The following DNAJB1 variants were observed in gnomAD, a reference collection of about 807,000 sequenced individuals.
The protein encoded by DNAJB1 is dnaJ homolog subfamily B member 1.
DNAJB1 carries 14 observed loss-of-function variants against 24.0 expected under a neutral mutation model. The ratio of observed to expected loss-of-function variants is 0.58; its 90% CI spans 0.39 to 0.91. The LOEUF (loss-of-function observed/expected upper bound fraction) is 0.91. DNAJB1 is among the 40% of genes least tolerant of loss of function. The pLI, the probability that DNAJB1 is intolerant of heterozygous loss-of-function variation, is 0.00. For missense variants in DNAJB1, 517 were observed against 458.1 expected (o/e 1.13, Z -1.17); for synonymous variants, 262 against 174.4 (o/e 1.50, Z -3.96).
chr19:14,519,379 A>G (rs1328103519), upstream of DNAJB1, among the ~76,000 whole-genome samples: 1 of 151,710 alleles, frequency 6.6e-6, no homozygotes, highest in Non-Finnish European at 1.5e-5. Flanking sequence ...ATAAATAAAT[A>G]AAATAAGTAA....
Position 14,545,377 on chromosome 19 carries a change from C to T in DNAJB1, c.-214+4831G>A, listed in dbSNP as rs181750633. On this transcript the variant is annotated intron_variant, in intron 1 of 3. Coordinates refer to the DNAJB1 transcript ENST00000676982. ...TCCCATTTCCTCAGCAGGGTCCTCC[C>T]GGGCACACCCACTGTGGCCCTCTGG... is the stretch of plus-strand genomic sequence containing the variant. Among the ~76,000 whole-genome samples the T allele has an allele frequency of 1.5e-3, 231 of 151,942 alleles. 5 individuals are homozygous for T. The highest frequency in any genetic ancestry group is 2.5e-3 in the South Asian group (12 of 4,792).
intron 1 of DNAJB1, among the ~76,000 whole-genome samples, chr19:14,543,914 T>C (rs2073214138): frequency 6.6e-6 from 1 of 150,908 alleles, no homozygotes; most frequent in African/African-American, 2.4e-5. Context: ...ATTTTTGTAT[T>C]TTTAGTAGAG....
chr19:14,559,038 C>T (rs376919685), intron 1 of DNAJB1, among the ~76,000 whole-genome samples: 2 of 152,066 alleles, frequency 1.3e-5, no homozygotes, highest in African/African-American at 4.8e-5. Context: ...GGGTGTGGGG[C>T]GCGGAGCCCT....
intron 1 of DNAJB1, chr19:14,517,335 CA>C (rs2072287065): frequency 2.8e-6 from 1 of 360,424 alleles, no homozygotes. Flanking sequence ...ATCCTCCTGG[CA>C]ACATCACCAA....
chr19:14,535,546 AT>A (rs1568396461), intron 1 of DNAJB1, among the ~76,000 whole-genome samples: 1 of 6,248 alleles, frequency 1.6e-4, no homozygotes, highest in African/African-American at 7.2e-4. Flanking sequence ...AAAAAAAAAT[AT>A]ATATATATAT....
At chr19:14,546,695 C>T (rs935313940) in intron 1 of DNAJB1, among the ~76,000 whole-genome samples, 1 of 152,020 alleles carries the variant, frequency 6.6e-6, no homozygotes, top group Non-Finnish European at 1.5e-5. Context: ...TTTTTCTTTT[C>T]TTTTTTTAAG....
chr19:14,556,842 G>A (rs1448698447), intron 1 of DNAJB1, among the ~76,000 whole-genome samples: 1 of 152,190 alleles, frequency 6.6e-6, no homozygotes, highest in African/African-American at 2.4e-5. Context: ...GCAGTGGGGA[G>A]CGTCGCAGCC....
chr19:14,535,035 T>A (rs2072812484), intron 1 of DNAJB1, among the ~76,000 whole-genome samples: 1 of 152,022 alleles, frequency 6.6e-6, no homozygotes, highest in African/African-American at 2.4e-5. Context: ...TTCTCTGCCC[T>A]AAAATCGGAT....
Position 14,525,419 on chromosome 19 carries a change from C to T in DNAJB1, c.-90+2307G>A, listed in dbSNP as rs367560688. Reference sequence around the variant, plus strand: ...CCAACAGCAGTTAAACCCTAACTGTCCTTCAATGGATGAATGGATAAACAA... The same window carrying T: ...CCAACAGCAGTTAAACCCTAACTGTTCTTCAATGGATGAATGGATAAACAA... On this transcript the variant is annotated intron_variant, in intron 2 of 3. Coordinates refer to the DNAJB1 transcript ENST00000396969. 9.5e-4 allele frequency among the ~76,000 whole-genome samples: 145 copies of T among 151,898 alleles called. 4 individuals are homozygous for T. In the South Asian group the frequency reaches 0.029, roughly 30 times the overall value.
Position 14,516,577 on chromosome 19 carries a change from G to A in DNAJB1, c.681C>T (p.Thr227=), listed in dbSNP as rs777975888. The change falls in exon 2 of 3, where the codon ACC becomes ACT. Residue 227 remains threonine, a synonymous_variant. Transcript: ENST00000254322. ...KITFPKEGDQ[T]SNNIPADIVF... Reference sequence around the variant, plus strand: ...CGATATCAGCTGGAATGTTGTTGGAGGTCTGGTCTCCTTCCTTGGGGAAAG... The same window carrying A: ...CGATATCAGCTGGAATGTTGTTGGAAGTCTGGTCTCCTTCCTTGGGGAAAG... 10 of 1,614,082 alleles carry A rather than the reference G, an allele frequency of 6.2e-6. No homozygotes were observed. Among genetic ancestry groups the A allele is most frequent in the Non-Finnish European group, 7.6e-6 (9 of 1,180,048 alleles).
At chr19:14,551,658 C>A (rs911722949), upstream of DNAJB1, among the ~76,000 whole-genome samples, 24 of 152,012 alleles carry the variant, frequency 1.6e-4, no homozygotes, top group Admixed American at 1.6e-3. Flanking sequence ...GCCTGGGCCC[C>A]GCTGTGGTAT....
At chr19:14,547,218 A>G (rs2073338107) in intron 1 of DNAJB1, among the ~76,000 whole-genome samples, 1 of 152,248 alleles carries the variant, frequency 6.6e-6, no homozygotes, top group South Asian at 2.1e-4. Flanking sequence ...AGATAGATTT[A>G]ACAGAGTCCT....
upstream of DNAJB1, among the ~76,000 whole-genome samples, chr19:14,532,865 T>C (rs1444769018): frequency 6.6e-6 from 1 of 152,122 alleles, no homozygotes; most frequent in Non-Finnish European, 1.5e-5. Context: ...ATCCCAGCAC[T>C]TTGGGAGGCT....
In DNAJB1 at chr19:14,543,723, C is replaced by A. The variant is rs899171732; in HGVS notation, c.-214+6485G>T. Among the ~76,000 whole-genome samples, 10 of 149,770 alleles carry A rather than the reference C, an allele frequency of 6.7e-5. No individual in the cohort carries two copies. The Admixed American group carries it at 6.7e-4, about 10-fold the overall frequency. ...AAAGTGCTGGGATTACAGGCGTGAG[C>A]CACCGCGCCCGGCTATATATATATT... On this transcript the variant is annotated intron_variant, in intron 1 of 3. Coordinates refer to the DNAJB1 transcript ENST00000676982.
chr19:14,542,763 C>T (rs573519449), intron 1 of DNAJB1, among the ~76,000 whole-genome samples: 2 of 152,212 alleles, frequency 1.3e-5, no homozygotes, highest in East Asian at 3.9e-4. Flanking sequence ...GAGCGACTCA[C>T]CCCAGTTACA....
At chr19:14,538,228 C>T (rs897804380) in intron 1 of DNAJB1, among the ~76,000 whole-genome samples, 6 of 152,042 alleles carry the variant, frequency 3.9e-5, no homozygotes, top group Admixed American at 6.6e-5. Flanking sequence ...TGCTGTGGGT[C>T]GTGCACTGGG....
chr19:14,557,754 CAT>C (rs2073780923), intron 1 of DNAJB1, among the ~76,000 whole-genome samples: 1 of 139,414 alleles, frequency 7.2e-6, no homozygotes, highest in African/African-American at 2.7e-5. Context: ...GCCCGGTCAT[CAT>C]ATTTATTCTT....
chr19:14,529,891 G>C, upstream of DNAJB1: 3 of 849,702 alleles, frequency 3.5e-6, no homozygotes, highest in Non-Finnish European at 5.7e-6. Flanking sequence ...CATGTGCGCA[G>C]GAAGTATTTA....
chr19:14,516,345 C>G, intron 2 of DNAJB1, 121 bp downstream of exon 2: 1 of 1,291,254 alleles, frequency 7.7e-7, no homozygotes, highest in East Asian at 2.5e-5. Flanking sequence ...CAGTCCTGTT[C>G]ACTGTTGTGC....
Sources: allele counts gnomAD v4.1 joint callset (sites outside exome capture counted in the v4.1 genomes callset), GRCh38; gene constraint gnomAD v4.1.1; transcripts MANE v1.5; gene names NCBI Gene and HGNC (gene_info 2026-07-23, HGNC 2026-07-21).